The following RTL4 variants were observed in gnomAD, a reference collection of about 807,000 sequenced individuals.
RTL4 encodes the protein retrotransposon Gag-like protein 4.
In RTL4, 4 loss-of-function variants were observed where a neutral mutation model predicts 5.3. The ratio of observed to expected loss-of-function variants is 0.75; its 90% CI spans 0.37 to 1.72. RTL4 has a LOEUF of 1.72. Ranked by LOEUF, RTL4 falls within the 40% of genes most tolerant of loss-of-function variation. The pLI is 0.04. For missense variants in RTL4, 260 were observed against 227.1 expected (o/e 1.14, Z -0.93); for synonymous variants, 98 against 87.3 (o/e 1.12, Z -0.68).
At chrX:112,383,406 C>T in the RTL4 span, among the ~76,000 whole-genome samples, 7 of 111,969 alleles carry the variant, frequency 6.3e-5, no homozygotes, top group Non-Finnish European at 1.1e-4. Flanking sequence ...GCATTTTCCG[C>T]TTTATTTACA....
the RTL4 span, among the ~76,000 whole-genome samples, chrX:112,288,346 C>T: frequency 0.27 from 29,613 of 111,169 alleles, 3,530 homozygotes; most frequent in African/African-American, 0.44. Context: ...GATATGTGTA[C>T]ACAATTTAAT....
chrX:112,120,541 T>G, the RTL4 span, among the ~76,000 whole-genome samples: 57 of 108,654 alleles, frequency 5.2e-4, no homozygotes, highest in Admixed American at 1.7e-3. Flanking sequence ...CTCCCAAAGT[T>G]CTGGGATTAA....
At chrX:112,307,825 G>A in the RTL4 span, among the ~76,000 whole-genome samples, 1 of 111,404 alleles carries the variant, frequency 9.0e-6, no homozygotes, top group South Asian at 3.8e-4. Flanking sequence ...CAACAAGAAC[G>A]GCCTGATATC....
At chrX:112,243,994 A>C in the RTL4 span, among the ~76,000 whole-genome samples, 1 of 111,739 alleles carries the variant, frequency 8.9e-6, no homozygotes, top group Middle Eastern at 4.2e-3. Context: ...GTTTCCATGT[A>C]ATTGTGTGGT....
At chrX:112,090,008 G>A in the RTL4 span, among the ~76,000 whole-genome samples, 1 of 110,755 alleles carries the variant, frequency 9.0e-6, no homozygotes, top group African/African-American at 3.3e-5. Flanking sequence ...TGATACTATT[G>A]ATTACTAAAT....
chrX:112,432,615 T>C, the RTL4 span, among the ~76,000 whole-genome samples: 2 of 96,583 alleles, frequency 2.1e-5, no homozygotes, highest in African/African-American at 3.9e-5. Flanking sequence ...GAGTTCATTG[T>C]AGATTCTGGA....
chrX:112,087,673 T>A, the RTL4 span, among the ~76,000 whole-genome samples: 5 of 111,041 alleles, frequency 4.5e-5, no homozygotes, highest in Non-Finnish European at 9.4e-5. Context: ...GGCTTTGGAG[T>A]CAGACCTGGG....
At chrX:112,139,037 T>C in the RTL4 span, among the ~76,000 whole-genome samples, 2 of 111,808 alleles carry the variant, frequency 1.8e-5, no homozygotes, top group African/African-American at 6.5e-5. Flanking sequence ...CTCATGTTTC[T>C]CATGACCTTA....
chrX:112,237,659 A>T, the RTL4 span, among the ~76,000 whole-genome samples: 2 of 112,751 alleles, frequency 1.8e-5, no homozygotes, highest in Admixed American at 9.4e-5. Context: ...AGGAGAAATT[A>T]ATCTAAGCAT....
At chrX:112,113,660 C>T in the RTL4 span, among the ~76,000 whole-genome samples, 1 of 111,665 alleles carries the variant, frequency 9.0e-6, no homozygotes, top group Admixed American at 9.4e-5. Flanking sequence ...GTTGTGGGCT[C>T]CTGGCCCAGA....
At chrX:112,177,622 G>A in the RTL4 span, among the ~76,000 whole-genome samples, 950 of 108,972 alleles carry the variant, frequency 8.7e-3, 8 homozygotes, top group African/African-American at 0.031. Context: ...ATTTTCTGCC[G>A]TTCTGTGGAC....
chrX:112,132,181 C>T, the RTL4 span, among the ~76,000 whole-genome samples: 2 of 111,566 alleles, frequency 1.8e-5, no homozygotes, highest in Admixed American at 1.9e-4. Flanking sequence ...AAACATACCA[C>T]ACAACACAAA....
At chrX:112,336,526 C>A in the RTL4 span, among the ~76,000 whole-genome samples, 1 of 112,130 alleles carries the variant, frequency 8.9e-6, no homozygotes, top group African/African-American at 3.2e-5. Context: ...CCACTACAAC[C>A]ATAATGCCTA....
chrX:112,161,844 C>CCTTTCTTTCTTTCTTT, the RTL4 span, among the ~76,000 whole-genome samples: 11 of 40,073 alleles, frequency 2.7e-4, 1 homozygote, highest in African/African-American at 1.3e-3. Flanking sequence ...TTCCTTCCTT[C>CCTTTCTTTCTTTCTTT]CTTTCTTTCT....
chrX:112,121,905 A>G, the RTL4 span, among the ~76,000 whole-genome samples: 2 of 111,959 alleles, frequency 1.8e-5, no homozygotes, highest in Non-Finnish European at 3.8e-5. Context: ...AGCATTTAAT[A>G]AAATTTAACA....
the RTL4 span, among the ~76,000 whole-genome samples, chrX:112,248,085 T>C: frequency 1.8e-5 from 2 of 112,544 alleles, no homozygotes. Context: ...GTACTACAGT[T>C]GGCAGTGATT....
At chrX:112,264,409 G>T in the RTL4 span, among the ~76,000 whole-genome samples, 2 of 111,498 alleles carry the variant, frequency 1.8e-5, no homozygotes, top group African/African-American at 6.5e-5. Flanking sequence ...GACTGCAGAT[G>T]ATGATGATCA....
chrX:112,236,090 GC>G, the RTL4 span, among the ~76,000 whole-genome samples: 3 of 110,312 alleles, frequency 2.7e-5, no homozygotes, highest in Admixed American at 9.8e-5. Context: ...TGCAAAGTTG[GC>G]CCAAGTGCCA....
At chrX:112,414,958 C>T in the RTL4 span, among the ~76,000 whole-genome samples, 13 of 111,123 alleles carry the variant, frequency 1.2e-4, no homozygotes, top group African/African-American at 3.3e-4. Context: ...TAGATTTTTC[C>T]GCACTAGCTA....
Sources: gnomAD v4.1 joint callset for allele counts (sites outside exome capture counted in the v4.1 genomes callset) on GRCh38, gnomAD v4.1.1 for gene constraint, MANE v1.5 for transcripts, NCBI Gene and HGNC (gene_info 2026-07-23, HGNC 2026-07-21) for gene names.